Variants in TPX2 observed in about 807,000 individuals in gnomAD.
The protein encoded by TPX2 is targeting protein for Xklp2.
Under a neutral mutation model 93.6 loss-of-function variants are expected in TPX2, and 21 were observed. The observed-to-expected ratio is 0.22, with a 90% CI of 0.16 to 0.32. TPX2 has a LOEUF of 0.32. TPX2 is among the 10% of genes least tolerant of loss of function. TPX2 has a pLI of 1.00. For missense variants in TPX2, 776 were observed against 871.1 expected (o/e 0.89, Z 1.37); for synonymous variants, 281 against 298.3 (o/e 0.94, Z 0.60).
At chr20:31,787,119 A>G (rs1163270159) in intron 12 of TPX2, among the ~76,000 whole-genome samples, 1 of 151,274 alleles carries the variant, frequency 6.6e-6, no homozygotes, top group African/African-American at 2.4e-5. Flanking sequence ...TGAGTACTTT[A>G]TGTAGATTGT....
intron 14 of TPX2, 92 bp downstream of exon 14, chr20:31,794,116 T>C (rs1012711060): frequency 7.8e-7 from 1 of 1,285,954 alleles, no homozygotes; most frequent in Non-Finnish European, 1.1e-6. Flanking sequence ...ATAAAATCAC[T>C]GACTTCTTTT....
chr20:31,794,751 G>A (rs1295353186), intron 15 of TPX2, among the ~76,000 whole-genome samples: 1 of 140,548 alleles, frequency 7.1e-6, no homozygotes, highest in Non-Finnish European at 1.5e-5. Flanking sequence ...GGTCTCTGTC[G>A]CATAGTGTGT....
At chr20:31,770,897 G>C (rs1383968210) in intron 6 of TPX2, among the ~76,000 whole-genome samples, 1 of 142,406 alleles carries the variant, frequency 7.0e-6, no homozygotes, top group African/African-American at 2.7e-5. Context: ...CTGATTTTTA[G>C]CTTTTTTTTT....
intron 2 of TPX2, among the ~76,000 whole-genome samples, chr20:31,751,532 T>G (rs1034596213): frequency 1.3e-5 from 2 of 152,164 alleles, no homozygotes; most frequent in African/African-American, 4.8e-5. Context: ...AGGAAAGGTA[T>G]CAGCAGTGAT....
intron 12 of TPX2, among the ~76,000 whole-genome samples, chr20:31,786,214 C>T (rs1279062856): frequency 1.3e-5 from 2 of 151,796 alleles, no homozygotes; most frequent in African/African-American, 2.4e-5. Context: ...AACTAGTGAG[C>T]GGCAGAGCTA....
At chr20:31,770,515 A>G in intron 6 of TPX2, 44 bp downstream of exon 6, 1 of 1,449,000 alleles carries the variant, frequency 6.9e-7, no homozygotes, top group Non-Finnish European at 9.1e-7. Context: ...GACATATTGT[A>G]CCTTGTATAC....
At chr20:31,776,121 C>T (rs945262515) in intron 8 of TPX2, 133 bp downstream of exon 8, 34 of 884,654 alleles carry the variant, frequency 3.8e-5, no homozygotes, top group Middle Eastern at 1.0e-3. Flanking sequence ...TCGCCCAGGC[C>T]GGACTGCGGA....
chr20:31,748,115 G>T (rs2061795435), intron 2 of TPX2, among the ~76,000 whole-genome samples: 1 of 152,090 alleles, frequency 6.6e-6, no homozygotes, highest in African/African-American at 2.4e-5. Context: ...AGGGAGAGGG[G>T]ATGGTCTCCT....
rs1206315854 is a variant in TPX2, at chr20:31,794,661, C to CTAG, written c.1833+114_1833+115insAGT. The CTAG allele has an allele frequency of 4.4e-6, 6 of 1,357,374 alleles. No individual in the cohort carries two copies. In the East Asian group the frequency reaches 1.4e-4, roughly 31 times the overall value. The allele number at this position is 1,357,374 out of a possible 1,614,324, so 84.1% of individuals were successfully genotyped here. On this transcript the variant is annotated intron_variant, in intron 15 of 17. Coordinates refer to ENST00000300403, the MANE Select transcript of TPX2 (RefSeq NM_012112.5). ...AACATGCTACATTGTTTCAGGGGCTCTCACTGTAAATCAGGGGTCAGCACA... is the reference window on the plus strand; with the variant it reads ...AACATGCTACATTGTTTCAGGGGCTCTAGTCACTGTAAATCAGGGGTCAGCACA...
chr20:31,769,745 ACTTTTTGGTATGTATT>A (rs1177626937), intron 5 of TPX2, among the ~76,000 whole-genome samples: 2 of 151,890 alleles, frequency 1.3e-5, no homozygotes, highest in African/African-American at 2.4e-5. Context: ...TGTTTTGTGC[ACTTTTTGGTATGTATT>A]AGATCTGTCA....
intron 12 of TPX2, among the ~76,000 whole-genome samples, chr20:31,788,434 A>G (rs891562858): frequency 1.3e-5 from 2 of 151,836 alleles, no homozygotes; most frequent in Non-Finnish European, 2.9e-5. Context: ...AAAAAAAAAA[A>G]AAAAAGTCTT....
At position 31,794,398 on chromosome 20, in the gene TPX2, T is replaced by C. The variant is rs1195448328; in HGVS notation, c.1687-4T>C. The C allele has an allele frequency of 6.2e-7, 1 of 1,613,292 alleles. No individual in the cohort carries two copies. Among genetic ancestry groups the C allele is most frequent in the Non-Finnish European group, 8.5e-7 (1 of 1,179,814 alleles). On this transcript the variant is annotated splice_region_variant and splice_polypyrimidine_tract_variant and intron_variant, in intron 14 of 17. Coordinates refer to ENST00000300403, the MANE Select transcript of TPX2 (RefSeq NM_012112.5). ...CTTAAACCTCATGTTTTCTTTTCTG[T>C]TAGGTGCCCAAGTTCAAGGCACTTC...
At position 31,782,382 on chromosome 20, in the gene TPX2, A is replaced by T; in HGVS notation, c.1188A>T (p.Lys396Asn). The T allele has an allele frequency of 6.2e-7, 1 of 1,609,932 alleles. No homozygotes were observed. Residue 396 changes from lysine to asparagine, a missense_variant, in exon 11 of 18, where the codon AAA becomes AAT. This residue lies in a region of TPX2 where 461 missense variants were observed against 551.2 expected (regional missense o/e 0.84). Transcript: ENST00000300403. ...AGCTGGAGGCTGAGGAGCTCGAGAA[A>T]TTGCAACAGTAAGTCCCACTGGCAG... ...TAELEAEELE[K>N]LQQYKFKARE...
At chr20:31,756,425 T>G (rs537268432) in intron 2 of TPX2, among the ~76,000 whole-genome samples, 1 of 152,130 alleles carries the variant, frequency 6.6e-6, no homozygotes, top group South Asian at 2.1e-4. Flanking sequence ...TAAAAATTAG[T>G]GGTGTATTTT....
At chr20:31,785,297 C>A (rs777291380) in intron 12 of TPX2, among the ~76,000 whole-genome samples, 1 of 152,104 alleles carries the variant, frequency 6.6e-6, no homozygotes, top group Non-Finnish European at 1.5e-5. Flanking sequence ...AAGGGCTGTG[C>A]CTTCTTTGTC....
rs1032570562 is a variant in TPX2 at position 31,800,836 on chromosome 20, C to T, written c.2134-134C>T. 18 of 739,050 alleles carry T rather than the reference C, an allele frequency of 2.4e-5. No individual in the cohort carries two copies. In the African/African-American group the frequency reaches 3.2e-4, roughly 13 times the overall value. The allele number at this position is 739,050 out of a possible 1,614,324, so 45.8% of individuals were successfully genotyped here. ...ATACCGTGTTGCCCCCCAGGCCCCA[C>T]TCCCCACACCTGAAACTAGTGACTG... On this transcript the variant is annotated intron_variant, in intron 17 of 17. Coordinates refer to ENST00000300403, the MANE Select transcript of TPX2 (RefSeq NM_012112.5).
intron 16 of TPX2, 24 bp from the exon 17 acceptor site, chr20:31,798,341 T>C (rs201970755): frequency 1.2e-6 from 2 of 1,613,784 alleles, no homozygotes; most frequent in African/African-American, 2.7e-5. Flanking sequence ...TGTGCACCAA[T>C]ATTTTTTCTG....
Position 31,798,351 on chromosome 20 carries a change from G to T in TPX2, c.1946-14G>T. On this transcript the variant is annotated splice_polypyrimidine_tract_variant and intron_variant, in intron 16 of 17. Coordinates refer to ENST00000300403, the MANE Select transcript of TPX2 (RefSeq NM_012112.5). Reference sequence around the variant, plus strand: ...CTGCTTGTGCACCAATATTTTTTCTGTTTCTGTACTTAGAGGGCCTTTCTG... The same window carrying T: ...CTGCTTGTGCACCAATATTTTTTCTTTTTCTGTACTTAGAGGGCCTTTCTG... The T allele has an allele frequency of 6.2e-7, 1 of 1,613,864 alleles. No individual in the cohort carries two copies. Among genetic ancestry groups the T allele is most frequent in the East Asian group, 2.2e-5 (1 of 44,850 alleles).
At chr20:31,761,880 TAA>T (rs1226602693) in intron 4 of TPX2, among the ~76,000 whole-genome samples, 3 of 152,180 alleles carry the variant, frequency 2.0e-5, no homozygotes, top group African/African-American at 4.8e-5. Flanking sequence ...TAACAATATA[TAA>T]GAGTTCTCCT....
Sources: allele counts gnomAD v4.1 joint callset (sites outside exome capture counted in the v4.1 genomes callset), GRCh38; gene constraint gnomAD v4.1.1; regional missense constraint gnomAD v4.1.1; transcripts MANE v1.5; gene names NCBI Gene and HGNC (gene_info 2026-07-23, HGNC 2026-07-21).